GPAT2: variants seen among roughly 807,000 people sequenced by gnomAD.
The protein encoded by GPAT2 is glycerol-3-phosphate acyltransferase 2, mitochondrial, also known as 1-acylglycerol-3-phosphate O-acyltransferase GPAT2.
Under a neutral mutation model 71.0 loss-of-function variants are expected in GPAT2, and 51 were observed. That is an observed-to-expected ratio of 0.72 (90% CI 0.57 to 0.91). The LOEUF is 0.91. Among genes scored for constraint, GPAT2 ranks in the 40% least tolerant of loss-of-function variants. The pLI is 0.00. For synonymous variants in GPAT2, 222 were observed against 290.3 expected (o/e 0.76, Z 2.39); for missense variants, 511 against 666.0 (o/e 0.77, Z 2.56).
chr2:96,024,713 C>A (rs754988140), intron 14 of GPAT2, 28 bp from the exon 15 acceptor site: 1 of 1,613,604 alleles, frequency 6.2e-7, no homozygotes, highest in Non-Finnish European at 8.5e-7. Context: ...GGCTAGGCAG[C>A]AGGGCCACAC....
At position 96,024,391 on chromosome 2, in the gene GPAT2, A is replaced by G. The variant is rs201936800; in HGVS notation, c.1687+36T>C. The G allele has an allele frequency of 3.3e-5, 53 of 1,608,502 alleles. No homozygotes were observed. In the African/African-American group the frequency reaches 5.9e-4, roughly 18 times the overall value. On this transcript the variant is annotated intron_variant, in intron 15 of 21. Transcript: ENST00000434632. ...GGAGCCGTTCCCTTCACCACTGCAC[A>G]CACATCCCACCTACCCCGTGCACCT...
At position 96,023,439 on chromosome 2, in the gene GPAT2, G is replaced by A. The variant is rs1235155530; in HGVS notation, c.1916C>T (p.Thr639Ile). 3.1e-6 allele frequency: 5 copies of A among 1,613,806 alleles called. No individual in the cohort carries two copies. Among genetic ancestry groups the A allele is most frequent in the Non-Finnish European group, 3.4e-6 (4 of 1,180,018 alleles). ...GTCACAGGCTGGCCGGGAGCCTGGG[G>A]TCTAGGGGCCGTGGAGCCATTGTTC... is the stretch of plus-strand genomic sequence containing the variant. The part of the protein sequence containing the change: ...IQCGLLVAEE[T>I]PGSRPACDTG... The change falls in exon 18 of 22, where the codon ACC becomes ATC. Residue 639 changes from threonine (T) to isoleucine (I), a missense_variant and splice_region_variant. Around this residue, in one of 7 missense-constraint regions of GPAT2, gnomAD observed 295 missense variants for 305.5 expected, o/e 0.97. Transcript: ENST00000434632.
Position 96,024,436 on chromosome 2 carries a change from CCTCG to C in GPAT2, c.1674_1677del (p.Ser558ArgfsTer30). On this transcript the variant is annotated frameshift_variant, in exon 15 of 22. Transcript: ENST00000434632. LOFTEE classifies it high-confidence loss of function. The stretch of plus-strand genomic sequence containing the variant: ...GCACCTCAAGACTCACCGCCCACAG[CCTCG>C]CTCAGGAAGACGGGCAGCAGCTCAG... The C allele has an allele frequency of 6.2e-7, 1 of 1,613,794 alleles. No homozygotes were observed.
Position 96,024,070 on chromosome 2 carries a change from G to A in GPAT2, c.1837-70C>T, listed in dbSNP as rs13428237. The A allele has an allele frequency of 8.2e-3, 13,044 of 1,592,492 alleles. 615 individuals carry two copies. The African/African-American group carries it at 0.15, about 18-fold the overall frequency. ...ATGGGCAGGGGCCTAGCCAAAGACC[G>A]GGCAAGGCCACACCTACTACCCAGG... On this transcript the variant is annotated intron_variant, in intron 16 of 21. Coordinates refer to ENST00000434632, the MANE Select transcript of GPAT2 (RefSeq NM_001321527.2).
chr2:96,023,262 A>G (rs1157066548), intron 18 of GPAT2, 36 bp from the exon 19 acceptor site: 1 of 1,613,490 alleles, frequency 6.2e-7, no homozygotes, highest in Non-Finnish European at 8.5e-7. Flanking sequence ...GCAGCTCCCC[A>G]CCGCCTCCCT....
chr2:96,023,862 G>A (rs1573850709), intron 17 of GPAT2, 61 bp downstream of exon 17: 1 of 1,543,368 alleles, frequency 6.5e-7, no homozygotes, highest in East Asian at 2.4e-5. Flanking sequence ...GGCACTCAGG[G>A]TGGGAGGCTG....
rs751140867 is a variant in GPAT2 at position 96,026,220 on chromosome 2, C to G, written c.1118G>C (p.Cys373Ser). Residue 373 changes from cysteine to serine, a missense_variant, in exon 11 of 22, where the codon TGC becomes TCC. Coordinates refer to ENST00000434632, the MANE Select transcript of GPAT2 (RefSeq NM_001321527.2). ...GGGCTGAGCTAGGTGCACCCGGGAGCAGATCCGGTGGCTGCAGCCCCAGCG... is the reference window on the plus strand; with the variant it reads ...GGGCTGAGCTAGGTGCACCCGGGAGGAGATCCGGTGGCTGCAGCCCCAGCG... ...WSRWGCSHRICSRVHLAQPFS... is the reference protein window; with the variant it reads ...WSRWGCSHRISSRVHLAQPFS... The G allele has an allele frequency of 6.2e-7, 1 of 1,611,574 alleles. No individual in the cohort carries two copies. Among genetic ancestry groups the G allele is most frequent in the Non-Finnish European group, 8.5e-7 (1 of 1,179,222 alleles).
intron 12 of GPAT2, 113 bp from the exon 13 acceptor site, chr2:96,025,716 G>T: frequency 1.4e-6 from 2 of 1,453,638 alleles, no homozygotes; most frequent in East Asian, 4.7e-5. Context: ...CCCCAGGACA[G>T]AGGATGGCTT....
At chr2:96,022,341 C>A in intron 21 of GPAT2, 66 bp from the exon 22 acceptor site, 1 of 1,470,880 alleles carries the variant, frequency 6.8e-7, no homozygotes. Flanking sequence ...GGCCCAGGGG[C>A]CAGGCCTGTC....
intron 11 of GPAT2, 41 bp from the exon 12 acceptor site, chr2:96,026,053 C>G (rs779766950): frequency 6.2e-7 from 1 of 1,608,156 alleles, no homozygotes; most frequent in African/African-American, 1.3e-5. Context: ...CTCGGGCCCA[C>G]CAGGAAACTT....
Position 96,024,409 on chromosome 2 carries a change from G to A in GPAT2, c.1687+18C>T, listed in dbSNP as rs375934543. ...ACTGCACACACATCCCACCTACCCC[G>A]TGCACCTCAAGACTCACCGCCCACA... On this transcript the variant is annotated intron_variant, in intron 15 of 21. Transcript: ENST00000434632. 1.2e-4 allele frequency: 191 copies of A among 1,611,766 alleles called. No homozygotes were observed. Among genetic ancestry groups the A allele is most frequent in the Middle Eastern group, 3.3e-4 (2 of 6,054 alleles).
In GPAT2 at chr2:96,024,705, C is replaced by A. The variant is rs750065684; in HGVS notation, c.1429-20G>T. 2 of 1,613,596 alleles carry A rather than the reference C, an allele frequency of 1.2e-6. No homozygotes were observed. The highest frequency in any genetic ancestry group is 1.1e-5 in the South Asian group (1 of 91,064). ...CACACCCTGGGTGGGCAGAGCAGGG[C>A]TAGGCAGCAGGGCCACACATCGCCA... On this transcript the variant is annotated intron_variant, in intron 14 of 21. Coordinates refer to ENST00000434632, the MANE Select transcript of GPAT2 (RefSeq NM_001321527.2).
intron 20 of GPAT2, 112 bp from the exon 21 acceptor site, chr2:96,022,835 GAC>G (rs1679838429): frequency 9.3e-6 from 15 of 1,612,758 alleles, no homozygotes; most frequent in Non-Finnish European, 2.5e-6. Context: ...GCTCTGACTG[GAC>G]AGAAGACTGT....
chr2:96,026,520 T>G (rs1466509288), intron 10 of GPAT2, 177 bp downstream of exon 10: 12 of 287,054 alleles, frequency 4.2e-5, no homozygotes, highest in Non-Finnish European at 6.9e-5. Context: ...CTTCAGAGGA[T>G]GAAATGAGAT....
chr2:96,022,637 G>T (rs773844222), intron 21 of GPAT2, 31 bp downstream of exon 21: 3 of 1,610,946 alleles, frequency 1.9e-6, no homozygotes, highest in South Asian at 2.2e-5. Context: ...GGAGCAGGGG[G>T]ACAGAAGATG....
chr2:96,023,792 A>G, intron 17 of GPAT2, 131 bp downstream of exon 17: 3 of 1,464,700 alleles, frequency 2.0e-6, no homozygotes, highest in Non-Finnish European at 1.8e-6. Context: ...CCCCGCTGCA[A>G]GGCCAGGGGC....
In GPAT2 at chr2:96,023,944, G is replaced by A. The variant is rs375799458; in HGVS notation, c.1893C>T (p.Cys631=). 228 of 1,604,326 alleles carry A rather than the reference G, an allele frequency of 1.4e-4. 1 individual carries two copies. Among genetic ancestry groups the A allele is most frequent in the Middle Eastern group, 9.4e-4 (5 of 5,306 alleles). The change falls in exon 17 of 22, where the codon TGC becomes TGT. Residue 631 remains cysteine, a synonymous_variant. Transcript: ENST00000434632. ...CTACCTCCTCAGCAACCAGGAGCCC[G>A]CATTGGATGAGCCGGTCCAGCACCT... is the stretch of plus-strand genomic sequence containing the variant. The part of the protein sequence containing the change: ...CQEVLDRLIQ[C]GLLVAEETPG...
intron 12 of GPAT2, 126 bp from the exon 13 acceptor site, chr2:96,025,729 A>G (rs1248998617): frequency 1.4e-6 from 2 of 1,476,938 alleles, no homozygotes; most frequent in Non-Finnish European, 1.9e-6. Context: ...GATGGCTTCT[A>G]TAACCCCCAG....
chr2:96,023,934 C>G lies in GPAT2; in HGVS notation c.1903G>C (p.Val635Leu), dbSNP rs751439756. ...LDRLIQCGLLVAEETPGSRPA... is the reference protein window; with the variant it reads ...LDRLIQCGLLLAEETPGSRPA... ...ACTGCCCTGCCTACCTCCTCAGCAA[C>G]CAGGAGCCCGCATTGGATGAGCCGG... Residue 635 changes from valine to leucine, a missense_variant, in exon 17 of 22, where the codon GTT (valine) becomes CTT (leucine). Physicochemically the swap from Val to Leu is conservative, Grantham distance 32. Coordinates refer to ENST00000434632, the MANE Select transcript of GPAT2 (RefSeq NM_001321527.2). The G allele has an allele frequency of 6.2e-7, 1 of 1,601,554 alleles. No individual in the cohort carries two copies. Among genetic ancestry groups the G allele is most frequent in the South Asian group, 1.1e-5 (1 of 88,582 alleles).
Sources: gnomAD v4.1 joint callset for allele counts on GRCh38, gnomAD v4.1.1 for gene constraint, gnomAD v4.1.1 regional missense constraint, MANE v1.5 for transcripts, NCBI Gene and HGNC (gene_info 2026-07-23, HGNC 2026-07-21) for gene names.